The following NAALADL2 variants were observed in gnomAD, a reference collection of about 807,000 sequenced individuals.
NAALADL2 encodes N-acetylated alpha-linked acidic dipeptidase like 2, also known as inactive N-acetylated-alpha-linked acidic dipeptidase-like protein 2.
NAALADL2 carries 76 observed loss-of-function variants against 87.2 expected under a neutral mutation model. That is an observed-to-expected ratio of 0.87 (90% CI 0.72 to 1.05). The LOEUF (loss-of-function observed/expected upper bound fraction) is 1.05. Among genes scored for constraint, NAALADL2 ranks in the 50% least tolerant of loss-of-function variants. NAALADL2 has a pLI of 0.00. For missense variants in NAALADL2, 1,089 were observed against 945.8 expected (o/e 1.15, Z -1.99); for synonymous variants, 354 against 331.0 (o/e 1.07, Z -0.75).
At chr3:174,483,917 C>T (rs1173083321) in intron 1 of NAALADL2, among the ~76,000 whole-genome samples, 1 of 151,844 alleles carries the variant, frequency 6.6e-6, no homozygotes, top group African/African-American at 2.4e-5. Flanking sequence ...AAGAAGGTAC[C>T]TGAGACTAGA....
chr3:175,028,512 C>G (rs1752457722), intron 1 of NAALADL2, among the ~76,000 whole-genome samples: 1 of 151,918 alleles, frequency 6.6e-6, no homozygotes. Context: ...TGTATTAATT[C>G]AAACCAAAGT....
At chr3:174,959,359 A>C (rs1253128965) in intron 1 of NAALADL2, among the ~76,000 whole-genome samples, 1 of 151,940 alleles carries the variant, frequency 6.6e-6, no homozygotes, top group Non-Finnish European at 1.5e-5. Flanking sequence ...AATCTTGGAG[A>C]TTATTATTTT....
chr3:174,992,374 G>A (rs1480191207), intron 1 of NAALADL2, among the ~76,000 whole-genome samples: 2 of 152,018 alleles, frequency 1.3e-5, no homozygotes, highest in Non-Finnish European at 2.9e-5. Context: ...AATCTCTCAG[G>A]AACGTTTTCT....
At chr3:174,457,639 TGTG>T (rs1332744586) in intron 1 of NAALADL2, among the ~76,000 whole-genome samples, 2 of 152,042 alleles carry the variant, frequency 1.3e-5, no homozygotes, top group Admixed American at 1.3e-4. Context: ...GCCTGGCCAA[TGTG>T]GTGAAACCCA....
chr3:175,072,945 C>T (rs2109165563), intron 1 of NAALADL2, among the ~76,000 whole-genome samples: 1 of 151,858 alleles, frequency 6.6e-6, no homozygotes, highest in East Asian at 1.9e-4. Flanking sequence ...TATATGCATG[C>T]AATTTTGTTT....
chr3:175,404,084 G>C (rs1451419985), intron 5 of NAALADL2, among the ~76,000 whole-genome samples: 1 of 151,890 alleles, frequency 6.6e-6, no homozygotes, highest in Non-Finnish European at 1.5e-5. Context: ...AAACATCTTG[G>C]TTTAGTTTCT....
chr3:175,011,748 G>A (rs561904021), intron 1 of NAALADL2, among the ~76,000 whole-genome samples: 34 of 152,260 alleles, frequency 2.2e-4, no homozygotes, highest in Non-Finnish European at 4.4e-4. Flanking sequence ...TATGTGCCAA[G>A]AGACCCAAAT....
chr3:174,618,589 A>C (rs1376218825), intron 2 of NAALADL2, among the ~76,000 whole-genome samples: 1 of 151,808 alleles, frequency 6.6e-6, no homozygotes, highest in Non-Finnish European at 1.5e-5. Flanking sequence ...GTTACTAAGA[A>C]TCATGTGACC....
At chr3:174,553,858 A>G (rs1409167487) in intron 2 of NAALADL2, among the ~76,000 whole-genome samples, 1 of 152,160 alleles carries the variant, frequency 6.6e-6, no homozygotes, top group Non-Finnish European at 1.5e-5. Context: ...CATTTTAGTA[A>G]TGGGTAATTT....
intron 1 of NAALADL2, among the ~76,000 whole-genome samples, chr3:175,057,125 A>C (rs1712372133): frequency 6.6e-6 from 1 of 152,208 alleles, no homozygotes; most frequent in South Asian, 2.1e-4. Context: ...TCTTGGCAAG[A>C]TGTTACTCAT....
At chr3:174,748,864 A>G (rs1246432948) in intron 3 of NAALADL2, among the ~76,000 whole-genome samples, 1 of 152,218 alleles carries the variant, frequency 6.6e-6, no homozygotes, top group Admixed American at 6.5e-5. Context: ...GCTTTCCTAC[A>G]TGGTTGTAAC....
intron 5 of NAALADL2, among the ~76,000 whole-genome samples, chr3:175,434,044 T>C (rs1718227129): frequency 6.6e-6 from 1 of 151,958 alleles, no homozygotes; most frequent in African/African-American, 2.4e-5. Flanking sequence ...GTCACAGTTC[T>C]ACATGTGACT....
intron 3 of NAALADL2, among the ~76,000 whole-genome samples, chr3:174,810,753 T>A (rs1027840274): frequency 6.6e-6 from 1 of 152,076 alleles, no homozygotes; most frequent in Non-Finnish European, 1.5e-5. Context: ...CTGCAGAAAT[T>A]TCTATTACTA....
At chr3:174,934,783 G>A (rs552659146) in intron 1 of NAALADL2, among the ~76,000 whole-genome samples, 8 of 152,196 alleles carry the variant, frequency 5.3e-5, no homozygotes, top group South Asian at 4.1e-4. Flanking sequence ...AATGCACAAT[G>A]TTGGGGAAAG....
chr3:175,584,416 CA>C lies in NAALADL2; in HGVS notation c.1800+8231del, dbSNP rs1476056394. ...AACTGGCCAAGGTCACCCATCTATT[CA>C]ATGATAGAATCAAGATTCCAACCTA... On this transcript the variant is annotated intron_variant, in intron 10 of 13. Transcript: ENST00000454872. Among the ~76,000 whole-genome samples the C allele has an allele frequency of 2.0e-5, 3 of 152,196 alleles. No individual in the cohort carries two copies. In the East Asian group the frequency reaches 5.8e-4, roughly 29 times the overall value.
chr3:175,198,912 A>G (rs530514575), intron 2 of NAALADL2, among the ~76,000 whole-genome samples: 33 of 152,176 alleles, frequency 2.2e-4, no homozygotes, highest in African/African-American at 6.3e-4. Flanking sequence ...AAACTGATTC[A>G]TGCACCTCAA....
intron 3 of NAALADL2, among the ~76,000 whole-genome samples, chr3:174,832,757 C>T (rs1402101746): frequency 1.3e-5 from 2 of 152,108 alleles, no homozygotes; most frequent in Non-Finnish European, 2.9e-5. Context: ...TGAGCCACTG[C>T]ACCTGGCCAA....
At chr3:175,564,965 G>T (rs187997481) in intron 9 of NAALADL2, among the ~76,000 whole-genome samples, 293 of 152,332 alleles carry the variant, frequency 1.9e-3, no homozygotes, top group Middle Eastern at 6.8e-3. Flanking sequence ...TGCCAATGTG[G>T]CAAAGGAATC....
intron 3 of NAALADL2, among the ~76,000 whole-genome samples, chr3:174,831,855 G>A (rs1377703649): frequency 6.6e-6 from 1 of 150,940 alleles, no homozygotes. Flanking sequence ...ATGTGTCGAG[G>A]AATTTATCCA....
Sources: allele counts gnomAD v4.1 joint callset (sites outside exome capture counted in the v4.1 genomes callset), GRCh38; gene constraint gnomAD v4.1.1; transcripts MANE v1.5; gene names NCBI Gene and HGNC (gene_info 2026-07-23, HGNC 2026-07-21).